The following HCN1 variants were observed in gnomAD, a reference collection of about 807,000 sequenced individuals.
HCN1 encodes potassium/sodium hyperpolarization-activated cyclic nucleotide-gated channel 1.
Under a neutral mutation model 78.9 loss-of-function variants are expected in HCN1, and 13 were observed. The ratio of observed to expected loss-of-function variants is 0.16; its 90% CI spans 0.11 to 0.26. The LOEUF is 0.26. Among genes scored for constraint, HCN1 ranks in the 10% least tolerant of loss-of-function variants. The pLI, the probability that HCN1 is intolerant of heterozygous loss-of-function variation, is 1.00. For missense variants in HCN1, 810 were observed against 1,154.3 expected (o/e 0.70, Z 4.32); for synonymous variants, 552 against 455.5 (o/e 1.21, Z -2.70).
At chr5:45,383,470 C>T (rs183173109) in intron 4 of HCN1, among the ~76,000 whole-genome samples, 3 of 152,080 alleles carry the variant, frequency 2.0e-5, no homozygotes, top group Non-Finnish European at 2.9e-5. Context: ...CCGAGGCGGA[C>T]GAATCACCTG....
chr5:45,310,871 G>T (rs1185795897), intron 5 of HCN1, among the ~76,000 whole-genome samples: 1 of 152,136 alleles, frequency 6.6e-6, no homozygotes, highest in Non-Finnish European at 1.5e-5. Context: ...CAGGGACATG[G>T]ATGGAACTGG....
intron 1 of HCN1, among the ~76,000 whole-genome samples, chr5:45,694,734 G>A (rs558465970): frequency 1.3e-5 from 2 of 152,070 alleles, no homozygotes; most frequent in Non-Finnish European, 2.9e-5. Flanking sequence ...CTAATAAGAG[G>A]ATCTACTACA....
At chr5:45,614,186 T>C (rs561714127) in intron 2 of HCN1, among the ~76,000 whole-genome samples, 1 of 152,196 alleles carries the variant, frequency 6.6e-6, no homozygotes, top group African/African-American at 2.4e-5. Flanking sequence ...TTCCAAAAGT[T>C]CCTCCCTCAA....
At position 45,696,071 on chromosome 5, in the gene HCN1, T is replaced by A; in HGVS notation, c.23A>T (p.Asn8Ile). MEGGGKP[N>I]SSSNSRDDGN... ...ATCGTCCCGGCTGTTAGACGAAGAG[T>A]TGGGCTTGCCGCCTCCTTCCATGCC... Residue 8 changes from asparagine to isoleucine, a missense_variant, in exon 1 of 8, where the codon AAC becomes ATC. By Grantham distance (149) the Asn-to-Ile change is moderately radical. Coordinates refer to ENST00000303230, the MANE Select transcript of HCN1 (RefSeq NM_021072.4). 1.5e-6 allele frequency: 2 copies of A among 1,352,880 alleles called. No homozygotes were observed. Among genetic ancestry groups the A allele is most frequent in the Non-Finnish European group, 1.9e-6 (2 of 1,041,986 alleles). The allele number at this position is 1,352,880 out of a possible 1,614,324, so 83.8% of individuals were successfully genotyped here.
chr5:45,695,886 C>CCTTAGTG lies in HCN1; in HGVS notation c.207_208insCACTAAG (p.Gly70HisfsTer2). 1 of 1,451,734 alleles carries CCTTAGTG rather than the reference C, an allele frequency of 6.9e-7. No individual in the cohort carries two copies. The highest frequency in any genetic ancestry group is 1.3e-5 in the South Asian group (1 of 76,976). 89.9% of individuals were successfully genotyped at this position (1,451,734 alleles called of 1,614,324 possible). On this transcript the variant is annotated stop_gained and frameshift_variant, in exon 1 of 8. Coordinates refer to ENST00000303230, the MANE Select transcript of HCN1 (RefSeq NM_021072.4). LOFTEE classifies it high-confidence loss of function. Reference sequence around the variant, plus strand: ...GCCGGCTCCTCGCCGCCGCCGCCGCCGCCGCCACCGCCGCCACCGCCGTCC... The same window carrying CCTTAGTG: ...GCCGGCTCCTCGCCGCCGCCGCCGCCCTTAGTGGCCGCCACCGCCGCCACCGCCGTCC...
At chr5:45,682,586 C>G (rs1023452824) in intron 1 of HCN1, among the ~76,000 whole-genome samples, 1 of 151,714 alleles carries the variant, frequency 6.6e-6, no homozygotes, top group Non-Finnish European at 1.5e-5. Flanking sequence ...ACTCTGCTTA[C>G]TTCTAGCTTT....
chr5:45,477,476 A>G (rs1273935557), intron 2 of HCN1, among the ~76,000 whole-genome samples: 1 of 152,152 alleles, frequency 6.6e-6, no homozygotes, highest in Non-Finnish European at 1.5e-5. Context: ...GGAGAGAATA[A>G]AGGTCAGGGA....
intron 5 of HCN1, among the ~76,000 whole-genome samples, chr5:45,338,162 G>A (rs1409968541): frequency 1.3e-5 from 2 of 152,050 alleles, no homozygotes; most frequent in Non-Finnish European, 2.9e-5. Context: ...AATGAATATA[G>A]ACTAATTTTA....
intron 4 of HCN1, among the ~76,000 whole-genome samples, chr5:45,367,510 A>G (rs1027736994): frequency 6.6e-6 from 1 of 151,910 alleles, no homozygotes; most frequent in Admixed American, 6.6e-5. Flanking sequence ...GGAAAGTAGC[A>G]TAACCATGAT....
intron 1 of HCN1, among the ~76,000 whole-genome samples, chr5:45,674,972 A>T (rs1746237428): frequency 6.6e-6 from 1 of 151,766 alleles, no homozygotes; most frequent in Admixed American, 6.6e-5. Flanking sequence ...ATATATAAGT[A>T]CTTACTATAT....
At chr5:45,616,907 T>A (rs567708565) in intron 2 of HCN1, among the ~76,000 whole-genome samples, 51 of 151,984 alleles carry the variant, frequency 3.4e-4, no homozygotes, top group Non-Finnish European at 5.6e-4. Context: ...ACTCTACTTA[T>A]CCCGCAAATG....
At chr5:45,327,139 C>T (rs1041423721) in intron 5 of HCN1, among the ~76,000 whole-genome samples, 2 of 151,550 alleles carry the variant, frequency 1.3e-5, no homozygotes, top group Non-Finnish European at 3.0e-5. Flanking sequence ...TAGCTCCAGT[C>T]GTCCATCTGT....
intron 2 of HCN1, among the ~76,000 whole-genome samples, chr5:45,524,063 T>C (rs1420372798): frequency 3.3e-5 from 5 of 152,218 alleles, no homozygotes; most frequent in African/African-American, 1.2e-4. Context: ...GGATCCAGTT[T>C]CAGCTTTCTA....
At chr5:45,612,980 A>G (rs984035922) in intron 2 of HCN1, among the ~76,000 whole-genome samples, 16 of 152,206 alleles carry the variant, frequency 1.1e-4, no homozygotes, top group African/African-American at 3.9e-4. Flanking sequence ...AATTATTTAC[A>G]ATACAAACGT....
At chr5:45,499,614 C>G (rs1351671891) in intron 2 of HCN1, among the ~76,000 whole-genome samples, 3 of 152,100 alleles carry the variant, frequency 2.0e-5, no homozygotes, top group African/African-American at 4.8e-5. Context: ...GGCTCCTCCC[C>G]CTGTGTTTTG....
At chr5:45,485,987 T>C (rs1371133878) in intron 2 of HCN1, among the ~76,000 whole-genome samples, 3 of 152,200 alleles carry the variant, frequency 2.0e-5, no homozygotes, top group African/African-American at 7.2e-5. Context: ...ATTTGAGTTA[T>C]GCACTATCAG....
intron 2 of HCN1, among the ~76,000 whole-genome samples, chr5:45,478,079 G>T (rs533183530): frequency 6.6e-6 from 1 of 152,212 alleles, no homozygotes; most frequent in Non-Finnish European, 1.5e-5. Flanking sequence ...GCTTGAACTT[G>T]GGAGGTGGAG....
At chr5:45,643,088 AT>A (rs1460967263) in intron 2 of HCN1, 1 of 152,136 alleles carries the variant, frequency 6.6e-6, no homozygotes, top group Non-Finnish European at 1.5e-5. Flanking sequence ...GCATTTTACA[AT>A]AATGATAGCA....
At chr5:45,419,409 A>G (rs985055823) in intron 3 of HCN1, among the ~76,000 whole-genome samples, 38 of 152,182 alleles carry the variant, frequency 2.5e-4, no homozygotes, top group African/African-American at 9.2e-4. Context: ...AGGAGTACTG[A>G]TAACCAGGAC....
Sources: allele counts gnomAD v4.1 joint callset (sites outside exome capture counted in the v4.1 genomes callset), GRCh38; gene constraint gnomAD v4.1.1; transcripts MANE v1.5; gene names NCBI Gene and HGNC (gene_info 2026-07-23, HGNC 2026-07-21).